Variants in KDM4C observed in about 807,000 individuals in gnomAD.
The protein encoded by KDM4C is lysine demethylase 4C.
A neutral mutation model predicts 129.3 loss-of-function variants in KDM4C; 81 were observed. That is an observed-to-expected ratio of 0.63 (90% CI 0.52 to 0.75). KDM4C has a LOEUF of 0.75. Ranked by LOEUF, KDM4C falls within the 30% of genes least tolerant of loss-of-function variation. KDM4C has a pLI of 0.00. For missense variants in KDM4C, 1,457 were observed against 1,304.0 expected (o/e 1.12, Z -1.81); for synonymous variants, 573 against 456.1 (o/e 1.26, Z -3.26).
chr9:6,973,754 C>A (rs779182093), intron 8 of KDM4C: 1 of 152,150 alleles, frequency 6.6e-6, no homozygotes, highest in Non-Finnish European at 1.5e-5. Context: ...AATCCTCATC[C>A]CTTCCCTTCT....
At chr9:6,944,180 T>C (rs1826458214) in intron 8 of KDM4C, among the ~76,000 whole-genome samples, 1 of 152,230 alleles carries the variant, frequency 6.6e-6, no homozygotes, top group Non-Finnish European at 1.5e-5. Context: ...TGCTGTTGAA[T>C]TGGCATCTGA....
Position 7,112,184 on chromosome 9 carries a change from C to T in KDM4C, c.2610+8314C>T, listed in dbSNP as rs375396807. Among the ~76,000 whole-genome samples the T allele has an allele frequency of 4.3e-4, 66 of 152,244 alleles. 1 individual carries two copies. In the South Asian group the frequency reaches 0.013, roughly 30 times the overall value. ...GTTTCTCATTTAGGCATTACTCTTG[C>T]GACTTTCCTTCATCCATGTTCCCCG... On this transcript the variant is annotated intron_variant, in intron 18 of 21. Transcript: ENST00000381309.
At chr9:7,116,977 G>T (rs1257701789) in intron 18 of KDM4C, among the ~76,000 whole-genome samples, 1 of 152,152 alleles carries the variant, frequency 6.6e-6, no homozygotes, top group Non-Finnish European at 1.5e-5. Flanking sequence ...TTTGTATAGT[G>T]TCTTTTATAG....
intron 19 of KDM4C, among the ~76,000 whole-genome samples, chr9:7,139,134 G>C (rs1047048305): frequency 6.6e-6 from 1 of 152,130 alleles, no homozygotes; most frequent in South Asian, 2.1e-4. Context: ...AATTAGCCAG[G>C]CATGGTGGTA....
intron 12 of KDM4C, among the ~76,000 whole-genome samples, chr9:6,996,301 A>G (rs1206999848): frequency 1.3e-5 from 2 of 152,214 alleles, no homozygotes; most frequent in Non-Finnish European, 2.9e-5. Context: ...ATCATCCTGC[A>G]TTGACATCAG....
intron 17 of KDM4C, among the ~76,000 whole-genome samples, chr9:7,071,221 T>G (rs571264717): frequency 9.8e-5 from 15 of 152,308 alleles, no homozygotes; most frequent in African/African-American, 3.1e-4. Flanking sequence ...TGTTAAAATA[T>G]TAATTCTCCA....
intron 15 of KDM4C, among the ~76,000 whole-genome samples, chr9:7,043,988 C>T (rs543698774): frequency 1.3e-5 from 2 of 151,726 alleles, no homozygotes; most frequent in Non-Finnish European, 1.5e-5. Context: ...GGTATACTCT[C>T]TATTGGATAT....
chr9:6,725,922 TCTTTC>T (rs1817110769), intron 1 of KDM4C, among the ~76,000 whole-genome samples: 1 of 131,886 alleles, frequency 7.6e-6, no homozygotes, highest in Admixed American at 7.1e-5. Flanking sequence ...TCTTTTCTTT[TCTTTC>T]TTTATTTTTT....
chr9:6,887,971 A>G lies in KDM4C; in HGVS notation c.691A>G (p.Ser231Gly). Reference sequence around the variant, plus strand: ...TTGTTTCTTTTTAGGTTTTTTCCCAAGCAGCTCCCAAGGGTGTGATGCATT... The same window carrying G: ...TTGTTTCTTTTTAGGTTTTTTCCCAGGCAGCTCCCAAGGGTGTGATGCATT... ...LERLAQGFFP[S>G]SSQGCDAFLR... Residue 231 changes from serine (S) to glycine (G), a missense_variant, in exon 7 of 22, where the codon AGC (serine) becomes GGC (glycine). Ser to Gly is a moderately conservative substitution (Grantham distance 56, BLOSUM62 0). Transcript: ENST00000381309. The G allele has an allele frequency of 6.2e-7, 1 of 1,608,442 alleles. No individual in the cohort carries two copies. The highest frequency in any genetic ancestry group is 8.5e-7 in the Non-Finnish European group (1 of 1,174,986).
intron 1 of KDM4C, among the ~76,000 whole-genome samples, chr9:6,765,570 A>C (rs996094506): frequency 6.6e-6 from 1 of 152,186 alleles, no homozygotes; most frequent in African/African-American, 2.4e-5. Flanking sequence ...TATTCTATAT[A>C]GCACACTGTT....
At chr9:6,737,889 C>T (rs1198431949) in intron 1 of KDM4C, among the ~76,000 whole-genome samples, 2 of 151,976 alleles carry the variant, frequency 1.3e-5, no homozygotes, top group Non-Finnish European at 2.9e-5. Context: ...GTAATCCCAG[C>T]ACTTTGGGAG....
chr9:6,929,029 A>T (rs1823163841), intron 8 of KDM4C, among the ~76,000 whole-genome samples: 1 of 152,104 alleles, frequency 6.6e-6, no homozygotes, highest in African/African-American at 2.4e-5. Context: ...TGCTTTCCTT[A>T]TGCTGTTGCC....
chr9:7,098,830 C>G (rs1156611070), intron 17 of KDM4C, among the ~76,000 whole-genome samples: 1 of 152,192 alleles, frequency 6.6e-6, no homozygotes, highest in Non-Finnish European at 1.5e-5. Context: ...CCAGTGCTAG[C>G]CAGTATTGAC....
At chr9:7,054,776 A>C (rs1384669062) in intron 17 of KDM4C, among the ~76,000 whole-genome samples, 1 of 152,238 alleles carries the variant, frequency 6.6e-6, no homozygotes, top group South Asian at 2.1e-4. Flanking sequence ...TAAATAAGCC[A>C]GCAGAGCAGG....
chr9:7,044,555 G>T (rs978394737), intron 15 of KDM4C, among the ~76,000 whole-genome samples: 7 of 151,940 alleles, frequency 4.6e-5, no homozygotes, highest in Non-Finnish European at 1.0e-4. Context: ...CAGTTGATTG[G>T]ATCTAAAGGA....
chr9:7,116,685 AG>A (rs1344582833), intron 18 of KDM4C, among the ~76,000 whole-genome samples: 8 of 152,236 alleles, frequency 5.3e-5, no homozygotes, highest in African/African-American at 1.4e-4. Flanking sequence ...CGAGGTAGGC[AG>A]AATCTGCACT....
intron 4 of KDM4C, among the ~76,000 whole-genome samples, chr9:6,821,163 T>C (rs564376472): frequency 2.0e-5 from 3 of 152,092 alleles, no homozygotes; most frequent in Admixed American, 6.5e-5. Flanking sequence ...CTGTTGTGAA[T>C]AGTGCAGCAG....
intron 19 of KDM4C, among the ~76,000 whole-genome samples, chr9:7,136,350 A>T (rs1477448363): frequency 6.6e-6 from 1 of 152,206 alleles, no homozygotes; most frequent in Non-Finnish European, 1.5e-5. Context: ...AAGACTTAGG[A>T]GTGAGATTAC....
chr9:6,995,020 A>G (rs1488884485), intron 12 of KDM4C, among the ~76,000 whole-genome samples: 1 of 149,998 alleles, frequency 6.7e-6, no homozygotes, highest in African/African-American at 2.4e-5. Flanking sequence ...TATTTAGGCT[A>G]TGGTGGTTGT....
Sources: gnomAD v4.1 joint callset for allele counts (sites outside exome capture counted in the v4.1 genomes callset) on GRCh38, gnomAD v4.1.1 for gene constraint, MANE v1.5 for transcripts, NCBI Gene and HGNC (gene_info 2026-07-23, HGNC 2026-07-21) for gene names.